SH3RF3: variants seen among roughly 807,000 people sequenced by gnomAD.
SH3RF3 encodes the protein SH3 domain containing ring finger 3.
SH3RF3 carries 29 observed loss-of-function variants against 66.3 expected under a neutral mutation model. The ratio of observed to expected loss-of-function variants is 0.44; its 90% CI spans 0.33 to 0.60. The LOEUF (loss-of-function observed/expected upper bound fraction) is 0.60. Among genes scored for constraint, SH3RF3 ranks in the 20% least tolerant of loss-of-function variants. The pLI is 0.04. For synonymous variants in SH3RF3, 583 were observed against 532.0 expected, an observed-to-expected ratio of 1.10 and a Z score of -1.32; for missense variants, 1,194 against 1,190.9, an observed-to-expected ratio of 1.00 and a Z score of -0.04.
chr2:109,433,991 C>T (rs532669777), intron 6 of SH3RF3, among the ~76,000 whole-genome samples: 5 of 152,212 alleles, frequency 3.3e-5, no homozygotes, highest in East Asian at 3.9e-4. Flanking sequence ...GCCCAGTGTG[C>T]GCAGCCCCGA....
At chr2:109,177,158 A>G (rs1259259291) in intron 1 of SH3RF3, among the ~76,000 whole-genome samples, 1 of 152,220 alleles carries the variant, frequency 6.6e-6, no homozygotes, top group African/African-American at 2.4e-5. Flanking sequence ...TTTTCTTTAC[A>G]GACACACTCA....
At chr2:109,337,311 C>T (rs1371181990) in intron 1 of SH3RF3, among the ~76,000 whole-genome samples, 4 of 152,234 alleles carry the variant, frequency 2.6e-5, no homozygotes, top group Non-Finnish European at 5.9e-5. Flanking sequence ...GCCGGGAGCC[C>T]TGGGTGCAGG....
intron 1 of SH3RF3, among the ~76,000 whole-genome samples, chr2:109,202,300 C>T (rs540984718): frequency 5.3e-5 from 8 of 152,262 alleles, no homozygotes; most frequent in South Asian, 2.1e-4. Context: ...TGGACCCCCT[C>T]GGAGGGGAGC....
At chr2:109,285,322 G>A (rs1211633268) in intron 1 of SH3RF3, among the ~76,000 whole-genome samples, 2 of 152,206 alleles carry the variant, frequency 1.3e-5, no homozygotes, top group Non-Finnish European at 2.9e-5. Context: ...TGAAATACAG[G>A]TGTTCATGGT....
intron 5 of SH3RF3, 103 bp from the exon 6 acceptor site, chr2:109,432,398 T>A: frequency 6.9e-7 from 1 of 1,453,470 alleles, no homozygotes; most frequent in Middle Eastern, 2.2e-4. Context: ...GTGGGTCTTT[T>A]TAGGTTGGGT....
chr2:109,487,783 G>A (rs1298429309), intron 8 of SH3RF3, among the ~76,000 whole-genome samples: 7 of 152,074 alleles, frequency 4.6e-5, no homozygotes, highest in African/African-American at 1.7e-4. Context: ...GGCCAGAAGG[G>A]CTCTCCCCGA....
chr2:109,253,154 A>T (rs549455531), intron 1 of SH3RF3, among the ~76,000 whole-genome samples: 57 of 152,102 alleles, frequency 3.7e-4, no homozygotes, highest in Middle Eastern at 6.8e-3. Context: ...CAGCCTTCTG[A>T]GTAGCTGGGA....
intron 3 of SH3RF3, among the ~76,000 whole-genome samples, chr2:109,395,513 TTA>T (rs1676118023): frequency 6.6e-6 from 1 of 151,472 alleles, no homozygotes; most frequent in Non-Finnish European, 1.5e-5. Flanking sequence ...GCAGGAGCTC[TTA>T]CTTCTCCTGC....
intron 6 of SH3RF3, among the ~76,000 whole-genome samples, chr2:109,434,641 C>T (rs1476687287): frequency 6.6e-6 from 1 of 152,210 alleles, no homozygotes; most frequent in Non-Finnish European, 1.5e-5. Context: ...TATATGAAGC[C>T]TTGCCTGGAG....
chr2:109,410,348 G>A (rs1405209788), intron 4 of SH3RF3, among the ~76,000 whole-genome samples: 2 of 152,232 alleles, frequency 1.3e-5, no homozygotes, highest in Admixed American at 1.3e-4. Context: ...CAGGAGCAAT[G>A]GAGCTTGCCT....
At chr2:109,140,931 T>G (rs1400387241) in intron 1 of SH3RF3, among the ~76,000 whole-genome samples, 2 of 152,312 alleles carry the variant, frequency 1.3e-5, no homozygotes, top group Non-Finnish European at 2.9e-5. Context: ...TGAGAAGCCC[T>G]TACTTTCATA....
At chr2:109,497,143 C>G (rs1356526100) in intron 9 of SH3RF3, among the ~76,000 whole-genome samples, 1 of 152,196 alleles carries the variant, frequency 6.6e-6, no homozygotes, top group Non-Finnish European at 1.5e-5. Context: ...GATGCCACTA[C>G]ATTTATGGTC....
chr2:109,466,879 G>A (rs542378826), intron 8 of SH3RF3, among the ~76,000 whole-genome samples: 6 of 152,148 alleles, frequency 3.9e-5, no homozygotes, highest in Non-Finnish European at 5.9e-5. Flanking sequence ...ATATGTTTGT[G>A]TGTATATGTG....
At chr2:109,409,117 C>G (rs1407744648) in intron 4 of SH3RF3, among the ~76,000 whole-genome samples, 6 of 152,236 alleles carry the variant, frequency 3.9e-5, no homozygotes, top group Admixed American at 6.5e-5. Flanking sequence ...TGTGGATGTT[C>G]TCCTCCCATA....
chr2:109,416,235 C>T (rs1676717466), intron 4 of SH3RF3, among the ~76,000 whole-genome samples: 1 of 152,142 alleles, frequency 6.6e-6, no homozygotes, highest in Non-Finnish European at 1.5e-5. Flanking sequence ...CACGCCCAGC[C>T]CAGGTTGGGT....
intron 1 of SH3RF3, among the ~76,000 whole-genome samples, chr2:109,300,490 T>C (rs1328566501): frequency 6.6e-6 from 1 of 151,984 alleles, no homozygotes; most frequent in Non-Finnish European, 1.5e-5. Context: ...GCACCCTGAG[T>C]TTTTATACCA....
At chr2:109,390,472 C>T (rs114570294) in intron 3 of SH3RF3, among the ~76,000 whole-genome samples, 18 of 152,084 alleles carry the variant, frequency 1.2e-4, no homozygotes, top group African/African-American at 4.4e-4. Flanking sequence ...TTCCTTCTGG[C>T]AGGTCTTAAT....
intron 8 of SH3RF3, among the ~76,000 whole-genome samples, chr2:109,480,569 A>G (rs1678810490): frequency 6.6e-6 from 1 of 152,186 alleles, no homozygotes; most frequent in African/African-American, 2.4e-5. Flanking sequence ...TCACTCAGGA[A>G]GTCTCGCAGG....
intron 1 of SH3RF3, among the ~76,000 whole-genome samples, chr2:109,287,562 G>A (rs535150240): frequency 6.6e-6 from 1 of 152,344 alleles, no homozygotes; most frequent in Admixed American, 6.5e-5. Flanking sequence ...CCTTGACCCT[G>A]TTGGTGCTGG....
Sources: gnomAD v4.1 joint callset for allele counts (sites outside exome capture counted in the v4.1 genomes callset) on GRCh38, gnomAD v4.1.1 for gene constraint, MANE v1.5 for transcripts, NCBI Gene and HGNC (gene_info 2026-07-23, HGNC 2026-07-21) for gene names.